Variants in MTUS1 observed in about 807,000 individuals in gnomAD.
The protein encoded by MTUS1 is microtubule-associated tumor suppressor 1.
In MTUS1, 109 loss-of-function variants were observed where a neutral mutation model predicts 120.8. The observed-to-expected ratio is 0.90, with a 90% CI of 0.77 to 1.06. The LOEUF is 1.06. Ranked by LOEUF, MTUS1 falls within the 50% of genes least tolerant of loss-of-function variation. The pLI is 0.00. For synonymous variants in MTUS1, 737 were observed against 550.5 expected (o/e 1.34, Z -4.74); for missense variants, 2,210 against 1,486.3 (o/e 1.49, Z -8.01).
intron 1 of MTUS1, among the ~76,000 whole-genome samples, chr8:17,786,212 A>G (rs930119514): frequency 3.8e-4 from 58 of 152,290 alleles, no homozygotes; most frequent in African/African-American, 1.4e-3. Flanking sequence ...CCTTCTTGCA[A>G]TGGAAGCCAC....
chr8:17,742,218 A>G (rs1014167658), intron 3 of MTUS1, among the ~76,000 whole-genome samples: 3 of 150,722 alleles, frequency 2.0e-5, no homozygotes, highest in Non-Finnish European at 2.9e-5. Flanking sequence ...AGCCTCCTGA[A>G]TAGCTGAGGA....
chr8:17,658,511 G>A (rs559919567), intron 8 of MTUS1, among the ~76,000 whole-genome samples: 31 of 152,272 alleles, frequency 2.0e-4, no homozygotes, highest in Admixed American at 3.3e-4. Context: ...TTCTGTCACC[G>A]ATGTGTAAAT....
At chr8:17,765,395 G>A (rs548891617) in intron 1 of MTUS1, among the ~76,000 whole-genome samples, 8 of 152,172 alleles carry the variant, frequency 5.3e-5, no homozygotes, top group Non-Finnish European at 7.4e-5. Context: ...TTGGGAGGCC[G>A]AGGCAGGCAG....
At position 17,793,140 on chromosome 8, in the gene MTUS1, T is replaced by A. The variant is rs760749032; in HGVS notation, c.-155+7921A>T. On this transcript the variant is annotated intron_variant, in intron 1 of 14. Transcript: ENST00000693296. ...AAGAAATTGTCAACTTGCGATTGTC[T>A]GCACGAATAGGGAATGTCATAAATC... Among the ~76,000 whole-genome samples the A allele has an allele frequency of 9.2e-5, 14 of 152,372 alleles. No homozygotes were observed. The Middle Eastern group carries it at 0.024, about 259-fold the overall frequency.
At chr8:17,659,622 C>G (rs1225472996) in intron 8 of MTUS1, among the ~76,000 whole-genome samples, 1 of 152,056 alleles carries the variant, frequency 6.6e-6, no homozygotes, top group East Asian at 1.9e-4. Flanking sequence ...CGCTTGAACC[C>G]GGGAGGCAGA....
intron 8 of MTUS1, 149 bp from the exon 9 acceptor site, chr8:17,656,214 G>C: frequency 1.4e-6 from 1 of 714,168 alleles, no homozygotes; most frequent in Non-Finnish European, 2.4e-6. Flanking sequence ...AAATATAACA[G>C]TATGGAAGTG....
chr8:17,673,004 GGA>G (rs759267324), intron 8 of MTUS1, among the ~76,000 whole-genome samples: 8 of 152,144 alleles, frequency 5.3e-5, no homozygotes, highest in East Asian at 1.9e-4. Flanking sequence ...CCTTGTCTTC[GGA>G]GAGAGGCTGA....
At chr8:17,765,617 T>C (rs1424666614) in intron 1 of MTUS1, among the ~76,000 whole-genome samples, 2 of 26,534 alleles carry the variant, frequency 7.5e-5, no homozygotes, top group African/African-American at 2.9e-4. Context: ...AGACTCTGTC[T>C]CAAAAAAAAA....
At chr8:17,656,502 G>A (rs1040462826) in intron 8 of MTUS1, among the ~76,000 whole-genome samples, 3 of 150,812 alleles carry the variant, frequency 2.0e-5, no homozygotes, top group South Asian at 2.1e-4. Flanking sequence ...CACTATAGCC[G>A]GGGTGACAGA....
At chr8:17,787,692 TTAAA>T (rs2051422010) in intron 1 of MTUS1, among the ~76,000 whole-genome samples, 1 of 152,246 alleles carries the variant, frequency 6.6e-6, no homozygotes, top group Non-Finnish European at 1.5e-5. Flanking sequence ...CGTTTTAGAG[TTAAA>T]TAAAATTTTT....
intron 6 of MTUS1, among the ~76,000 whole-genome samples, chr8:17,687,633 G>A (rs769137585): frequency 3.9e-5 from 6 of 152,006 alleles, no homozygotes; most frequent in Non-Finnish European, 5.9e-5. Context: ...CTTCTATATC[G>A]ATTCAGATTT....
rs1023834758 is a variant in MTUS1 at position 17,723,694 on chromosome 8, C to G, written c.2427G>C (p.Glu809Asp). The G allele has an allele frequency of 6.2e-6, 10 of 1,610,894 alleles. 1 individual carries two copies. The highest frequency in any genetic ancestry group is 3.3e-5 in the Admixed American group (2 of 59,902). The change falls in exon 4 of 15, where the codon GAG becomes GAC. Residue 809 changes from glutamate (E) to aspartate (D), a missense_variant. By Grantham distance (45) the Glu-to-Asp change is conservative. Coordinates refer to ENST00000693296, the MANE Select transcript of MTUS1 (RefSeq NM_001363059.2). The part of the protein sequence containing the change: ...STPSIASTHS[E>D]LSTYSNNSGN... Reference sequence around the variant, plus strand: ...TACAATTGTTGCTGTAAGTGCTCAGCTCACTGTGGGTGCTGGCTATTGAGG... The same window carrying G: ...TACAATTGTTGCTGTAAGTGCTCAGGTCACTGTGGGTGCTGGCTATTGAGG...
intron 6 of MTUS1, among the ~76,000 whole-genome samples, chr8:17,689,213 AAAAC>A (rs748756365): frequency 2.6e-4 from 40 of 152,232 alleles, no homozygotes; most frequent in Non-Finnish European, 3.7e-4. Flanking sequence ...TCCGTTCTCA[AAAAC>A]AAACAAACAA....
At chr8:17,795,874 G>A (rs959846379) in intron 1 of MTUS1, among the ~76,000 whole-genome samples, 11 of 152,022 alleles carry the variant, frequency 7.2e-5, no homozygotes, top group African/African-American at 2.4e-4. Context: ...GACCTCAGGT[G>A]ATCCACCTGC....
chr8:17,666,090 CT>C (rs57062684), intron 8 of MTUS1, among the ~76,000 whole-genome samples: 16,346 of 110,274 alleles, frequency 0.15, 1,171 homozygotes, highest in African/African-American at 0.22. Context: ...AGAACAGATG[CT>C]TTTTTTTTTT....
intron 13 of MTUS1, among the ~76,000 whole-genome samples, chr8:17,648,423 T>G (rs1012558503): frequency 4.6e-5 from 7 of 152,208 alleles, no homozygotes; most frequent in African/African-American, 1.7e-4. Flanking sequence ...TTGCACATGA[T>G]TTTTTGAAAG....
intron 3 of MTUS1, among the ~76,000 whole-genome samples, chr8:17,731,119 A>C (rs1334753001): frequency 6.6e-6 from 1 of 152,236 alleles, no homozygotes; most frequent in Non-Finnish European, 1.5e-5. Flanking sequence ...TCAGAGATAT[A>C]AAAATTCAGG....
chr8:17,764,030 C>T (rs1329785489), intron 1 of MTUS1, among the ~76,000 whole-genome samples: 6 of 152,052 alleles, frequency 3.9e-5, no homozygotes, highest in Non-Finnish European at 8.8e-5. Context: ...AACAGCCACC[C>T]AGATCTCAGC....
In MTUS1 at chr8:17,761,719, C is replaced by G. The variant is rs576873750; in HGVS notation, c.-154-5758G>C. On this transcript the variant is annotated intron_variant, in intron 1 of 14. Coordinates refer to ENST00000693296, the MANE Select transcript of MTUS1 (RefSeq NM_001363059.2). Reference sequence around the variant, plus strand: ...CTGGCTTCATTACTTTATAACCACACAGAATGTAATTTTACTACTTATTTA... The same window carrying G: ...CTGGCTTCATTACTTTATAACCACAGAGAATGTAATTTTACTACTTATTTA... Among the ~76,000 whole-genome samples the G allele has an allele frequency of 5.9e-5, 9 of 152,306 alleles. No individual in the cohort carries two copies. The South Asian group carries it at 1.7e-3, about 28-fold the overall frequency.
Sources: allele counts gnomAD v4.1 joint callset (sites outside exome capture counted in the v4.1 genomes callset), GRCh38; gene constraint gnomAD v4.1.1; transcripts MANE v1.5; gene names NCBI Gene and HGNC (gene_info 2026-07-23, HGNC 2026-07-21).